SLIT2: variants seen among roughly 807,000 people sequenced by gnomAD.
The protein encoded by SLIT2 is slit guidance ligand 2.
A neutral mutation model predicts 185.7 loss-of-function variants in SLIT2; 41 were observed. That is an observed-to-expected ratio of 0.22 (90% CI 0.17 to 0.29). The LOEUF is 0.29. Among genes scored for constraint, SLIT2 ranks in the 10% least tolerant of loss-of-function variants. SLIT2 has a pLI of 1.00. For missense variants in SLIT2, 1,571 were observed against 1,909.0 expected (o/e 0.82, Z 3.30); for synonymous variants, 693 against 680.2 (o/e 1.02, Z -0.29).
intron 18 of SLIT2, among the ~76,000 whole-genome samples, chr4:20,537,789 A>G (rs1270316689): frequency 6.6e-6 from 1 of 152,146 alleles, no homozygotes; most frequent in Non-Finnish European, 1.5e-5. Flanking sequence ...TTGAGAGCAC[A>G]TTTCCATTCC....
chr4:20,505,844 T>G (rs1719160623), intron 9 of SLIT2, among the ~76,000 whole-genome samples: 1 of 152,074 alleles, frequency 6.6e-6, no homozygotes, highest in South Asian at 2.1e-4. Context: ...GTTCATTCTT[T>G]AAGAGCTTTA....
chr4:20,595,727 A>T lies in SLIT2; in HGVS notation c.3213A>T (p.Glu1071Asp). The T allele has an allele frequency of 5.0e-6, 8 of 1,614,176 alleles. No individual in the cohort carries two copies. Among genetic ancestry groups the T allele is most frequent in the Non-Finnish European group, 6.8e-6 (8 of 1,180,006 alleles). The change falls in exon 31 of 37, where the codon GAA (glutamate) becomes GAT (aspartate). Residue 1071 changes from glutamate (E) to aspartate (D), a missense_variant. Physicochemically the swap from Glu to Asp is conservative, Grantham distance 45. This residue lies in a region of SLIT2 where 1,202 missense variants were observed against 1,416.4 expected (regional missense o/e 0.85). Coordinates refer to ENST00000504154, the MANE Select transcript of SLIT2 (RefSeq NM_004787.4). ...ACTGCACACCAGGGTACGTAGGTGA[A>T]CACTGCGACATCGATTTTGACGACT... ...KCDCTPGYVGEHCDIDFDDCQ... is the reference protein window; with the variant it reads ...KCDCTPGYVGDHCDIDFDDCQ...
chr4:20,339,333 G>C (rs1720774373), intron 4 of SLIT2, among the ~76,000 whole-genome samples: 1 of 152,036 alleles, frequency 6.6e-6, no homozygotes, highest in Non-Finnish European at 1.5e-5. Flanking sequence ...AAAAGCCATT[G>C]TATGACTGAA....
chr4:20,589,582 G>T, intron 29 of SLIT2, 62 bp from the exon 30 acceptor site: 2 of 1,237,046 alleles, frequency 1.6e-6, no homozygotes, highest in Admixed American at 3.5e-5. Flanking sequence ...CAATGACACA[G>T]TCTGCTGGCA....
intron 5 of SLIT2, among the ~76,000 whole-genome samples, chr4:20,479,639 AAG>A (rs1553910282): frequency 2.0e-5 from 3 of 152,050 alleles, no homozygotes; most frequent in African/African-American, 7.2e-5. Flanking sequence ...GAAAAAAAAA[AAG>A]AGTGTGGTAC....
chr4:20,332,353 G>T (rs965974015), intron 4 of SLIT2, among the ~76,000 whole-genome samples: 2 of 152,138 alleles, frequency 1.3e-5, no homozygotes, highest in Non-Finnish European at 2.9e-5. Flanking sequence ...AGGATCATGA[G>T]CCAGTTGATT....
chr4:20,363,542 T>C, intron 4 of SLIT2, among the ~76,000 whole-genome samples: 1 of 152,102 alleles, frequency 6.6e-6, no homozygotes, highest in Non-Finnish European at 1.5e-5. Context: ...AACACAGCAA[T>C]GTATTTCTAA....
intron 4 of SLIT2, among the ~76,000 whole-genome samples, chr4:20,284,261 A>T (rs60190935): frequency 6.6e-6 from 1 of 152,204 alleles, no homozygotes; most frequent in African/African-American, 2.4e-5. Flanking sequence ...TAATGAATCC[A>T]CAAACCTCTA....
At chr4:20,432,140 G>T (rs1729043082) in intron 4 of SLIT2, among the ~76,000 whole-genome samples, 1 of 152,022 alleles carries the variant, frequency 6.6e-6, no homozygotes, top group Admixed American at 6.6e-5. Flanking sequence ...ATTTTGGCTG[G>T]CCAAAACTGC....
chr4:20,448,264 G>A (rs937047785), intron 4 of SLIT2, among the ~76,000 whole-genome samples: 4 of 152,088 alleles, frequency 2.6e-5, no homozygotes, highest in African/African-American at 4.8e-5. Context: ...TGACCCAATG[G>A]TAATTTAAAG....
chr4:20,374,170 A>G (rs903156396), intron 4 of SLIT2, among the ~76,000 whole-genome samples: 2 of 152,094 alleles, frequency 1.3e-5, no homozygotes, highest in African/African-American at 2.4e-5. Context: ...TACAGGGAAA[A>G]TTATATGCGA....
intron 4 of SLIT2, among the ~76,000 whole-genome samples, chr4:20,396,544 A>C (rs1390038920): frequency 6.6e-6 from 1 of 151,796 alleles, no homozygotes; most frequent in Admixed American, 6.6e-5. Flanking sequence ...GATAATTTGC[A>C]AAATAAGTAC....
chr4:20,545,566 C>T (rs1295288171), intron 21 of SLIT2, among the ~76,000 whole-genome samples: 1 of 151,836 alleles, frequency 6.6e-6, no homozygotes, highest in African/African-American at 2.4e-5. Context: ...TATTTTTAAA[C>T]TTAAACCTAA....
intron 29 of SLIT2, among the ~76,000 whole-genome samples, chr4:20,573,015 C>T (rs561649122): frequency 2.6e-5 from 4 of 152,276 alleles, no homozygotes; most frequent in Admixed American, 6.5e-5. Context: ...CTGGTTTAGA[C>T]GCAGACCTCT....
chr4:20,376,576 A>C (rs1459158054), intron 4 of SLIT2, among the ~76,000 whole-genome samples: 2 of 152,128 alleles, frequency 1.3e-5, no homozygotes, highest in Admixed American at 6.6e-5. Context: ...ATGGTTAAAA[A>C]TATGGGTGAA....
intron 4 of SLIT2, among the ~76,000 whole-genome samples, chr4:20,345,785 C>T (rs1027613798): frequency 1.3e-5 from 2 of 151,970 alleles, no homozygotes; most frequent in Non-Finnish European, 2.9e-5. Flanking sequence ...CCACCCACCT[C>T]GGCCTCCCAA....
intron 5 of SLIT2, among the ~76,000 whole-genome samples, chr4:20,472,830 A>G (rs976601612): frequency 6.6e-6 from 1 of 151,038 alleles, no homozygotes; most frequent in Non-Finnish European, 1.5e-5. Flanking sequence ...TTGTGAGCTT[A>G]TTCTTGAAGA....
At chr4:20,259,624 C>A (rs1186264333) in intron 3 of SLIT2, among the ~76,000 whole-genome samples, 1 of 151,678 alleles carries the variant, frequency 6.6e-6, no homozygotes. Context: ...ATTAACTTTT[C>A]CTAAAACTTA....
At chr4:20,545,729 C>G (rs1463338455) in intron 21 of SLIT2, among the ~76,000 whole-genome samples, 1 of 152,020 alleles carries the variant, frequency 6.6e-6, no homozygotes, top group African/African-American at 2.4e-5. Context: ...CACATAAACA[C>G]AAGCAAACTG....
Sources: gnomAD v4.1 joint callset for allele counts (sites outside exome capture counted in the v4.1 genomes callset) on GRCh38, gnomAD v4.1.1 for gene constraint, gnomAD v4.1.1 regional missense constraint, MANE v1.5 for transcripts, NCBI Gene and HGNC (gene_info 2026-07-23, HGNC 2026-07-21) for gene names.